SPATA31G1: variants seen among roughly 807,000 people sequenced by gnomAD.
SPATA31G1 encodes the protein spermatogenesis-associated protein 31G1.
chr9:35,043,751 C>G, the SPATA31G1 span: 11 of 1,614,078 alleles, frequency 6.8e-6, no homozygotes, highest in Non-Finnish European at 8.5e-6. Flanking sequence ...CCGTGGGATA[C>G]AGAGAGAAAC....
the SPATA31G1 span, chr9:35,044,694 A>G: frequency 6.2e-7 from 1 of 1,614,176 alleles, no homozygotes; most frequent in Non-Finnish European, 8.5e-7. Context: ...CCCAGCCCCC[A>G]GCTCACTCTC....
the SPATA31G1 span, chr9:35,044,656 A>C: frequency 6.2e-7 from 1 of 1,614,178 alleles, no homozygotes; most frequent in South Asian, 1.1e-5. Flanking sequence ...GCAGTGGAGC[A>C]AAGAAAGAAC....
chr9:35,044,353 T>C, the SPATA31G1 span: 1 of 1,613,966 alleles, frequency 6.2e-7, no homozygotes, highest in Non-Finnish European at 8.5e-7. Context: ...CTGCTCAGAG[T>C]TAGATCCATG....
chr9:35,045,687 G>C, the SPATA31G1 span: 1 of 1,614,198 alleles, frequency 6.2e-7, no homozygotes, highest in Non-Finnish European at 8.5e-7. Flanking sequence ...GGATCAGCCA[G>C]AGGCAGGGCG....
chr9:35,044,372 G>T, the SPATA31G1 span: 6 of 1,614,058 alleles, frequency 3.7e-6, no homozygotes, highest in South Asian at 6.6e-5. Flanking sequence ...TGGGGGTCCT[G>T]TCTGATTCTG....
chr9:35,045,291 G>A, the SPATA31G1 span: 2 of 1,613,960 alleles, frequency 1.2e-6, no homozygotes, highest in Non-Finnish European at 1.7e-6. Context: ...TCAGAGAGGG[G>A]AGAAAATGAA....
At chr9:35,042,984 C>A in the SPATA31G1 span, 1 of 1,614,140 alleles carries the variant, frequency 6.2e-7, no homozygotes, top group Non-Finnish European at 8.5e-7. Flanking sequence ...TCCACTGAAG[C>A]CATGTTCTCC....
chr9:35,042,318 C>G, the SPATA31G1 span: 1 of 1,614,232 alleles, frequency 6.2e-7, no homozygotes, highest in Non-Finnish European at 8.5e-7. Flanking sequence ...CTGGGGCCAA[C>G]TGACCCATGC....
chr9:35,043,369 A>G, the SPATA31G1 span: 2 of 1,613,478 alleles, frequency 1.2e-6, no homozygotes, highest in Non-Finnish European at 1.7e-6. Flanking sequence ...CCCCAGTATC[A>G]CTCCTCAGCC....
chr9:35,043,686 C>G, the SPATA31G1 span: 1 of 1,614,218 alleles, frequency 6.2e-7, no homozygotes, highest in Non-Finnish European at 8.5e-7. Context: ...TCTGTCAGAA[C>G]CCAGAAAAGT....
chr9:35,042,006 A>G, the SPATA31G1 span: 4 of 513,254 alleles, frequency 7.8e-6, no homozygotes, highest in Non-Finnish European at 1.4e-5. Context: ...TATGATTTGA[A>G]TAAGGCAGTT....
the SPATA31G1 span, chr9:35,043,975 C>A: frequency 8.1e-6 from 13 of 1,613,246 alleles, no homozygotes; most frequent in Non-Finnish European, 1.1e-5. Context: ...CCACCAGCAT[C>A]TGAGACACCA....
At chr9:35,044,684 C>T in the SPATA31G1 span, 2 of 1,614,088 alleles carry the variant, frequency 1.2e-6, no homozygotes, top group East Asian at 2.2e-5. Flanking sequence ...CCACTGAGCT[C>T]CCAGCCCCCA....
At chr9:35,042,296 T>C in the SPATA31G1 span, 7 of 1,614,148 alleles carry the variant, frequency 4.3e-6, no homozygotes, top group Non-Finnish European at 5.9e-6. Flanking sequence ...CTAAGGGGGA[T>C]ATGGGGCTTC....
At chr9:35,041,121 G>A in the SPATA31G1 span, 1 of 454,394 alleles carries the variant, frequency 2.2e-6, no homozygotes, top group African/African-American at 2.0e-5. Context: ...AGAGAACAAA[G>A]GAAGGAGGAA....
the SPATA31G1 span, chr9:35,043,146 C>G: frequency 6.2e-7 from 1 of 1,614,124 alleles, no homozygotes; most frequent in Non-Finnish European, 8.5e-7. Context: ...CTTCCAGATT[C>G]TGACCAGCTT....
chr9:35,043,711 G>T, the SPATA31G1 span: 1 of 1,614,152 alleles, frequency 6.2e-7, no homozygotes. Context: ...CCTGAAGGAG[G>T]ACTTGCTATA....
the SPATA31G1 span, chr9:35,042,844 C>T: frequency 6.2e-7 from 1 of 1,605,492 alleles, no homozygotes; most frequent in Non-Finnish European, 8.5e-7. Flanking sequence ...CTGAGAATAT[C>T]TTTATCTACT....
At chr9:35,045,096 T>C in the SPATA31G1 span, 6 of 1,614,072 alleles carry the variant, frequency 3.7e-6, no homozygotes, top group South Asian at 1.1e-5. Context: ...TCCAGACTTC[T>C]GGGGACTCCC....
Sources: allele counts gnomAD v4.1 joint callset, GRCh38; gene constraint gnomAD v4.1.1; transcripts MANE v1.5; gene names NCBI Gene and HGNC (gene_info 2026-07-23, HGNC 2026-07-21).